The following ADAMTS9 variants were observed in gnomAD, a reference collection of about 807,000 sequenced individuals.
The protein encoded by ADAMTS9 is A disintegrin and metalloproteinase with thrombospondin motifs 9.
A neutral mutation model predicts 257.1 loss-of-function variants in ADAMTS9; 107 were observed. The ratio of observed to expected loss-of-function variants is 0.42; its 90% confidence interval spans 0.36 to 0.49. The LOEUF is 0.49. Among genes scored for constraint, ADAMTS9 ranks in the 20% least tolerant of loss-of-function variants. The pLI, the probability that ADAMTS9 is intolerant of heterozygous loss-of-function variation, is 0.03. For missense variants in ADAMTS9, 2,353 were observed against 2,469.1 expected (o/e 0.95, Z 1.00); for synonymous variants, 982 against 880.9 (o/e 1.11, Z -2.03).
chr3:64,541,450 A>C (rs1279807614), intron 34 of ADAMTS9, 36 bp from the exon 35 acceptor site: 8 of 1,611,012 alleles, frequency 5.0e-6, no homozygotes, highest in Non-Finnish European at 1.7e-6. Flanking sequence ...AGAGTGGCTC[A>C]GAAATGAGGT....
chr3:64,528,753 C>A (rs2082941478), intron 38 of ADAMTS9, among the ~76,000 whole-genome samples: 1 of 152,176 alleles, frequency 6.6e-6, no homozygotes, highest in Admixed American at 6.5e-5. Flanking sequence ...CTGCTATTTG[C>A]CCAGTAGGAT....
chr3:64,629,248 A>G (rs1395709567), intron 16 of ADAMTS9, among the ~76,000 whole-genome samples: 1 of 152,108 alleles, frequency 6.6e-6, no homozygotes, highest in Non-Finnish European at 1.5e-5. Flanking sequence ...TTCCCCCACC[A>G]TCTCTTCTCA....
intron 8 of ADAMTS9, among the ~76,000 whole-genome samples, 171 bp from the exon 9 acceptor site, chr3:64,651,334 A>G (rs898030644): frequency 2.6e-5 from 4 of 152,214 alleles, no homozygotes; most frequent in African/African-American, 9.7e-5. Context: ...GATAGAGTGT[A>G]GATTAAAACA....
At chr3:64,549,951 G>T (rs1440427801) in intron 31 of ADAMTS9, among the ~76,000 whole-genome samples, 1 of 146,790 alleles carries the variant, frequency 6.8e-6, no homozygotes, top group African/African-American at 2.7e-5. Context: ...ATGTGAAATT[G>T]CTGCCTGTCA....
intron 16 of ADAMTS9, among the ~76,000 whole-genome samples, chr3:64,625,152 G>A (rs376250840): frequency 3.9e-5 from 6 of 152,224 alleles, no homozygotes; most frequent in South Asian, 2.1e-4. Context: ...TTTCATCCCC[G>A]GTGCCAATGT....
At chr3:64,538,028 A>G (rs1448392089) in intron 37 of ADAMTS9, among the ~76,000 whole-genome samples, 1 of 152,234 alleles carries the variant, frequency 6.6e-6, no homozygotes. Context: ...CTGAAAAGCC[A>G]TCCAACAGAA....
intron 28 of ADAMTS9, among the ~76,000 whole-genome samples, chr3:64,585,955 GA>G (rs1378046822): frequency 6.6e-6 from 1 of 152,012 alleles, no homozygotes; most frequent in Admixed American, 6.6e-5. Flanking sequence ...TACACTCTGG[GA>G]TAACATAAAA....
chr3:64,676,000 AT>A (rs1419716470), intron 3 of ADAMTS9, among the ~76,000 whole-genome samples: 1 of 152,148 alleles, frequency 6.6e-6, no homozygotes, highest in Non-Finnish European at 1.5e-5. Flanking sequence ...GTACCTTCTA[AT>A]GGGAGTGATA....
At chr3:64,677,971 T>C (rs1701663676) in intron 3 of ADAMTS9, among the ~76,000 whole-genome samples, 1 of 152,232 alleles carries the variant, frequency 6.6e-6, no homozygotes, top group African/African-American at 2.4e-5. Flanking sequence ...ATAAGTTATC[T>C]CAGAATCCTT....
Position 64,647,291 on chromosome 3 carries a change from C to T in ADAMTS9, c.1710+649G>A, listed in dbSNP as rs189351686. Among the ~76,000 whole-genome samples, 513 of 151,932 alleles carry T rather than the reference C, an allele frequency of 3.4e-3. 2 individuals are homozygous for T. Among genetic ancestry groups the T allele is most frequent in the Non-Finnish European group, 5.2e-3 (352 of 67,964 alleles). ...TATCACTAACATGTCACCAATTTTTCTAGATGCACACTAGGTACAGAAGGT... is the reference window on the plus strand; with the variant it reads ...TATCACTAACATGTCACCAATTTTTTTAGATGCACACTAGGTACAGAAGGT... On this transcript the variant is annotated intron_variant, in intron 11 of 39. Coordinates refer to ENST00000498707, the MANE Select transcript of ADAMTS9 (RefSeq NM_182920.2).
intron 38 of ADAMTS9, among the ~76,000 whole-genome samples, chr3:64,527,092 A>C (rs2082919966): frequency 6.6e-6 from 1 of 152,230 alleles, no homozygotes; most frequent in Non-Finnish European, 1.5e-5. Flanking sequence ...CACACGGAGC[A>C]AGTAAATACC....
rs918536541 is a variant in ADAMTS9 at position 64,655,685 on chromosome 3, G to T, written c.1060C>A (p.Pro354Thr). 6.2e-7 allele frequency: 1 copy of T among 1,613,470 alleles called. No homozygotes were observed. The highest frequency in any genetic ancestry group is 8.5e-7 in the Non-Finnish European group (1 of 1,179,454). ...LIVIHNEQDGPSISFNAQTTL... is the reference protein window; with the variant it reads ...LIVIHNEQDGTSISFNAQTTL... The stretch of plus-strand genomic sequence containing the variant: ...GTCTGAGCATTAAAAGATATGGAAG[G>T]CCCATCCTAAATACAGAGAAGAATT... Residue 354 changes from proline (P) to threonine (T), a missense_variant, in exon 6 of 40, where the codon CCT becomes ACT. Pro to Thr is a conservative substitution (Grantham distance 38). Around this residue, in one of 3 missense-constraint regions of ADAMTS9, gnomAD observed 591 missense variants for 569.6 expected, o/e 1.04. Transcript: ENST00000498707.
chr3:64,682,228 G>T (rs1237920449), intron 2 of ADAMTS9, among the ~76,000 whole-genome samples: 1 of 152,160 alleles, frequency 6.6e-6, no homozygotes, highest in African/African-American at 2.4e-5. Flanking sequence ...GTCAGCTGGG[G>T]ATAAAGATAC....
intron 3 of ADAMTS9, among the ~76,000 whole-genome samples, chr3:64,659,476 A>C (rs1411580914): frequency 1.0e-4 from 15 of 147,902 alleles, no homozygotes; most frequent in African/African-American, 3.5e-4. Context: ...TCTCAAACAA[A>C]AAAAAAAAAA....
At chr3:64,629,951 A>G (rs1691458341) in intron 16 of ADAMTS9, among the ~76,000 whole-genome samples, 1 of 152,194 alleles carries the variant, frequency 6.6e-6, no homozygotes, top group Non-Finnish European at 1.5e-5. Context: ...TTCAACAAAT[A>G]CTCATTTACC....
intron 3 of ADAMTS9, among the ~76,000 whole-genome samples, chr3:64,672,015 C>G (rs1339184265): frequency 6.6e-6 from 1 of 152,126 alleles, no homozygotes; most frequent in Non-Finnish European, 1.5e-5. Context: ...ACTCAAGAAA[C>G]TTTGCCATGT....
chr3:64,686,418 C>A lies in ADAMTS9; in HGVS notation c.516+150G>T. 8.5e-7 allele frequency: 1 copy of A among 1,171,664 alleles called. No homozygotes were observed. Among genetic ancestry groups the A allele is most frequent in the African/African-American group, 1.6e-5 (1 of 64,460 alleles). 72.6% of individuals were successfully genotyped at this position (1,171,664 alleles called of 1,614,324 possible). ...TACTCGCACGCACAGAGCTAGCTAC[C>A]CAAACCATACGAGTTTCTAGCTGAT... On this transcript the variant is annotated intron_variant, in intron 2 of 39. Transcript: ENST00000498707. The surrounding 1 kb of genome is among the most constrained non-coding windows in gnomAD (Gnocchi z 4.6).
chr3:64,615,129 C>T (rs2106842767), intron 21 of ADAMTS9, 192 bp downstream of exon 21: 1 of 618,964 alleles, frequency 1.6e-6, no homozygotes, highest in Non-Finnish European at 2.7e-6. Flanking sequence ...CCTGAGGTCA[C>T]TGGTAGACTA....
Position 64,649,763 on chromosome 3 carries a change from C to T in ADAMTS9, c.1479G>A (p.Glu493=). ...TGGATTCAGGTTCGTTAAGCAAACA[C>T]TCGCCATAACCAGTGCTACGGAAAC... ...ITEFLDTGYG[E]CLLNEPESRP... Residue 493 remains glutamate (E), a synonymous_variant, in exon 10 of 40, where the codon GAG becomes GAA. Transcript: ENST00000498707. 1.1e-5 allele frequency: 18 copies of T among 1,613,734 alleles called. No homozygotes were observed. Among genetic ancestry groups the T allele is most frequent in the Non-Finnish European group, 1.4e-5 (16 of 1,179,844 alleles).
Sources: allele counts gnomAD v4.1 joint callset (sites outside exome capture counted in the v4.1 genomes callset), GRCh38; gene constraint gnomAD v4.1.1; regional missense constraint gnomAD v4.1.1; non-coding constraint Gnocchi (gnomAD v3.1); transcripts MANE v1.5; gene names NCBI Gene and HGNC (gene_info 2026-07-23, HGNC 2026-07-21).